Variants in DOC2B observed in about 807,000 individuals in gnomAD.
DOC2B encodes double C2 domain beta.
Under a neutral mutation model 28.9 loss-of-function variants are expected in DOC2B, and 21 were observed. The observed-to-expected ratio is 0.73, with a 90% CI of 0.52 to 1.05. The LOEUF (loss-of-function observed/expected upper bound fraction) is 1.05, where lower values mean the gene tolerates loss of function less well. DOC2B is among the 50% of genes least tolerant of loss of function. The pLI is 0.00. For synonymous variants in DOC2B, 194 were observed against 178.1 expected (o/e 1.09, Z -0.71); for missense variants, 384 against 421.1 (o/e 0.91, Z 0.77).
intron 1 of DOC2B, among the ~76,000 whole-genome samples, chr17:179,403 A>AAAAAAAAAG (rs1194681190): frequency 2.0e-5 from 3 of 151,870 alleles, no homozygotes; most frequent in East Asian, 3.9e-4. Context: ...GACAGCAAAA[A>AAAAAAAAAG]AAAGAAAAAG....
chr17:180,378 C>G (rs1335570468), intron 1 of DOC2B, among the ~76,000 whole-genome samples: 1 of 152,042 alleles, frequency 6.6e-6, no homozygotes, highest in Non-Finnish European at 1.5e-5. Context: ...GCTCAGGGCT[C>G]AGTCCGGGAG....
At chr17:164,361 A>C (rs1167963489) in intron 2 of DOC2B, among the ~76,000 whole-genome samples, 157 bp from the exon 3 acceptor site, 1 of 152,094 alleles carries the variant, frequency 6.6e-6, no homozygotes, top group Non-Finnish European at 1.5e-5. Context: ...GGAGGGAGTG[A>C]GGATGGCTCA....
chr17:179,279 G>A (rs1036569070), intron 1 of DOC2B, among the ~76,000 whole-genome samples: 2 of 152,174 alleles, frequency 1.3e-5, no homozygotes, highest in Admixed American at 1.3e-4. Context: ...CAGGGGCCCA[G>A]CCCTGCTGCC....
intron 6 of DOC2B, among the ~76,000 whole-genome samples, chr17:153,437 T>C (rs879507764): frequency 6.6e-6 from 1 of 152,246 alleles, no homozygotes; most frequent in Non-Finnish European, 1.5e-5. Flanking sequence ...GCACAGTGGC[T>C]CACGCCTGTA....
In DOC2B at chr17:143,911, G is replaced by A. The variant is rs1369293756; in HGVS notation, c.*3530C>T. On this transcript the variant is annotated 3_prime_UTR_variant, in exon 9 of 9. Coordinates refer to ENST00000613549, the MANE Select transcript of DOC2B (RefSeq NM_003585.5). ...CGACGACAGCCAGAGTCCATGCATCGGGAGGTTCACTCGGTTTGCGAAGGA... is the reference window on the plus strand; with the variant it reads ...CGACGACAGCCAGAGTCCATGCATCAGGAGGTTCACTCGGTTTGCGAAGGA... The A allele has an allele frequency of 3.3e-5, 5 of 152,318 alleles. No individual in the cohort carries two copies. Among genetic ancestry groups the A allele is most frequent in the African/African-American group, 1.2e-4 (5 of 41,544 alleles). The allele number at this position is 152,318 out of a possible 1,614,324, so 9.4% of individuals were successfully genotyped here. A position where few individuals can be genotyped will look rare whatever the true frequency, so the allele number is the denominator to read the frequency against.
chr17:161,911 A>G lies in DOC2B; in HGVS notation c.638+170T>C, dbSNP rs888457344. On this transcript the variant is annotated intron_variant, in intron 4 of 8. Coordinates refer to ENST00000613549, the MANE Select transcript of DOC2B (RefSeq NM_003585.5). The stretch of plus-strand genomic sequence containing the variant: ...GACCCTTTTCCACCCACCAGGCTCC[A>G]TTGGCGTGGGCAGACCTTTCTGCCT... Among the ~76,000 whole-genome samples, 7 of 152,256 alleles carry G rather than the reference A, an allele frequency of 4.6e-5. No homozygotes were observed. In the East Asian group the frequency reaches 1.4e-3, roughly 29 times the overall value.
intron 3 of DOC2B, among the ~76,000 whole-genome samples, chr17:162,527 G>A (rs1405772875): frequency 6.6e-6 from 1 of 152,210 alleles, no homozygotes; most frequent in Non-Finnish European, 1.5e-5. Flanking sequence ...GCCCAGGAGG[G>A]CCGATGGCCT....
intron 3 of DOC2B, 132 bp downstream of exon 3, chr17:163,998 G>C: frequency 3.0e-6 from 2 of 673,162 alleles, no homozygotes; most frequent in Non-Finnish European, 5.2e-6. Flanking sequence ...TGGACTCTGA[G>C]GGGAGTGGCA....
intron 6 of DOC2B, among the ~76,000 whole-genome samples, chr17:152,079 G>A (rs535386888): frequency 4.6e-5 from 7 of 152,066 alleles, no homozygotes; most frequent in South Asian, 2.1e-4. Context: ...CCTGGCCACC[G>A]GGGCTCACGG....
chr17:153,641 C>T (rs548775687), intron 6 of DOC2B, among the ~76,000 whole-genome samples: 1 of 151,818 alleles, frequency 6.6e-6, no homozygotes, highest in South Asian at 2.1e-4. Flanking sequence ...GCAGACGTTG[C>T]AGTGAGCTGA....
intron 1 of DOC2B, among the ~76,000 whole-genome samples, chr17:180,703 G>A (rs1400043450): frequency 6.6e-6 from 1 of 151,850 alleles, no homozygotes; most frequent in Non-Finnish European, 1.5e-5. Context: ...GGCGAGCGGG[G>A]AGCGACCGCG....
chr17:177,211 C>T (rs1002525260), intron 1 of DOC2B, among the ~76,000 whole-genome samples: 3 of 152,152 alleles, frequency 2.0e-5, no homozygotes, highest in African/African-American at 7.2e-5. Flanking sequence ...GAGCCATCAT[C>T]CCTGCTTCCC....
intron 5 of DOC2B, among the ~76,000 whole-genome samples, chr17:156,653 G>C (rs2040139623): frequency 6.6e-6 from 1 of 152,258 alleles, no homozygotes; most frequent in South Asian, 2.1e-4. Flanking sequence ...CCAGGGGTTG[G>C]CAACTGCAGC....
At chr17:175,862 T>C (rs920326488) in intron 1 of DOC2B, among the ~76,000 whole-genome samples, 8 of 152,158 alleles carry the variant, frequency 5.3e-5, no homozygotes, top group Non-Finnish European at 1.0e-4. Flanking sequence ...CTTCTCCAAC[T>C]GCCTGGGGGG....
rs1452841224 is a variant in DOC2B at position 145,961 on chromosome 17, G to C, written c.*1480C>G. On this transcript the variant is annotated 3_prime_UTR_variant, in exon 9 of 9. Transcript: ENST00000613549. ...TGGGACTCTGGCTGTGCAACTCCTT[G>C]GCTCTGCATTTGTTCACCCAGCGTT... 2.0e-5 allele frequency: 3 copies of C among 152,384 alleles called. No individual in the cohort carries two copies. The highest frequency in any genetic ancestry group is 2.9e-5 in the Non-Finnish European group (2 of 68,134). The allele number at this position is 152,384 out of a possible 1,614,324, so 9.4% of individuals were successfully genotyped here. A position where few individuals can be genotyped will look rare whatever the true frequency, so the allele number is the denominator to read the frequency against.
At chr17:149,360 G>A (rs900519877) in intron 6 of DOC2B, among the ~76,000 whole-genome samples, 168 bp from the exon 7 acceptor site, 84 of 152,224 alleles carry the variant, frequency 5.5e-4, no homozygotes, top group African/African-American at 2.0e-3. Flanking sequence ...AAGGCGAGAC[G>A]TTGTTTTCGA....
intron 1 of DOC2B, among the ~76,000 whole-genome samples, chr17:176,396 G>A (rs550529771): frequency 1.9e-4 from 28 of 151,284 alleles, no homozygotes; most frequent in Middle Eastern, 3.4e-3. Flanking sequence ...GTTGGTGCGG[G>A]GGGTGCGGGG....
At chr17:152,282 C>A (rs2040081041) in intron 6 of DOC2B, among the ~76,000 whole-genome samples, 1 of 152,240 alleles carries the variant, frequency 6.6e-6, no homozygotes, top group Non-Finnish European at 1.5e-5. Flanking sequence ...GGAGCGACCG[C>A]ACAGGCTGCT....
intron 2 of DOC2B, among the ~76,000 whole-genome samples, chr17:168,909 G>C (rs1434232420): frequency 6.6e-6 from 1 of 152,204 alleles, no homozygotes; most frequent in Non-Finnish European, 1.5e-5. Context: ...AAATTACACA[G>C]TCTCAGGTAT....
Sources: allele counts gnomAD v4.1 joint callset (sites outside exome capture counted in the v4.1 genomes callset), GRCh38; gene constraint gnomAD v4.1.1; transcripts MANE v1.5; gene names NCBI Gene and HGNC (gene_info 2026-07-23, HGNC 2026-07-21).